Variants in DMPK observed in about 807,000 individuals in gnomAD.
The protein encoded by DMPK is myotonin-protein kinase.
A neutral mutation model predicts 70.3 loss-of-function variants in DMPK; 32 were observed. That is an observed-to-expected ratio of 0.46 (90% CI 0.34 to 0.61). The LOEUF (loss-of-function observed/expected upper bound fraction) is 0.61. Among genes scored for constraint, DMPK ranks in the 20% least tolerant of loss-of-function variants. DMPK has a pLI of 0.01. For missense variants in DMPK, 899 were observed against 886.0 expected (o/e 1.01, Z -0.19); for synonymous variants, 469 against 390.9 (o/e 1.20, Z -2.36).
intron 13 of DMPK, 76 bp from the exon 14 acceptor site, chr19:45,771,136 G>T (rs1438297321): frequency 7.8e-7 from 1 of 1,289,474 alleles, no homozygotes; most frequent in Non-Finnish European, 1.1e-6. Flanking sequence ...ACAGCGAGGG[G>T]AATCGAGGTT....
chr19:45,781,410 G>A (rs1970109159), intron 1 of DMPK, among the ~76,000 whole-genome samples: 1 of 152,080 alleles, frequency 6.6e-6, no homozygotes, highest in South Asian at 2.1e-4. Context: ...TTGCAAGAAG[G>A]GGTTTTGTGG....
At chr19:45,781,904 A>G (rs1461549157) in intron 1 of DMPK, among the ~76,000 whole-genome samples, 1 of 152,118 alleles carries the variant, frequency 6.6e-6, no homozygotes, top group African/African-American at 2.4e-5. Flanking sequence ...GGGTGCAGAG[A>G]GGCCATGGGA....
chr19:45,780,573 T>TG (rs1023854252), intron 1 of DMPK: 49 of 1,026,022 alleles, frequency 4.8e-5, no homozygotes, highest in Non-Finnish European at 5.4e-5. Flanking sequence ...GCAGCCTGGG[T>TG]GGGGGACCAG....
At position 45,769,760 on chromosome 19, in the gene DMPK, G is replaced by C; in HGVS notation, c.*728C>G. ...CTTTTATTCGCGAGGGTCGGGGGTGGGGGTCCTAGGTGGGGACAGACAATA... is the reference window on the plus strand; with the variant it reads ...CTTTTATTCGCGAGGGTCGGGGGTGCGGGTCCTAGGTGGGGACAGACAATA... On this transcript the variant is annotated 3_prime_UTR_variant, in exon 15 of 15. Coordinates refer to ENST00000291270, the MANE Select transcript of DMPK (RefSeq NM_004409.5). 6.0e-6 allele frequency: 1 copy of C among 167,716 alleles called. No individual in the cohort carries two copies. The highest frequency in any genetic ancestry group is 1.3e-4 in the South Asian group (1 of 7,678). 10.4% of individuals were successfully genotyped at this position (167,716 alleles called of 1,614,324 possible). A position where few individuals can be genotyped will look rare whatever the true frequency, so the allele number is the denominator to read the frequency against.
At position 45,770,044 on chromosome 19, in the gene DMPK, A is replaced by G; in HGVS notation, c.*444T>C. The G allele has an allele frequency of 2.3e-6, 1 of 436,192 alleles. No individual in the cohort carries two copies. The highest frequency in any genetic ancestry group is 2.1e-5 in the South Asian group (1 of 46,644). The allele number at this position is 436,192 out of a possible 1,614,324, so 27.0% of individuals were successfully genotyped here. A position where few individuals can be genotyped will look rare whatever the true frequency, so the allele number is the denominator to read the frequency against. On this transcript the variant is annotated 3_prime_UTR_variant, in exon 15 of 15. Transcript: ENST00000291270. ...CAGACGCTCCCCAGAGCAGGGCGTC[A>G]TGCACAAGAAAGCTTTGCACTTTGC...
At position 45,770,250 on chromosome 19, in the gene DMPK, C is replaced by CAGCAGCAGT; in HGVS notation, c.*237_*238insACTGCTGCT. The CAGCAGCAGT allele has an allele frequency of 1.4e-6, 1 of 704,886 alleles. No individual in the cohort carries two copies. The highest frequency in any genetic ancestry group is 2.2e-6 in the Non-Finnish European group (1 of 449,578). The allele number at this position is 704,886 out of a possible 1,614,324, so 43.7% of individuals were successfully genotyped here. A position where few individuals can be genotyped will look rare whatever the true frequency, so the allele number is the denominator to read the frequency against. On this transcript the variant is annotated 3_prime_UTR_variant, in exon 15 of 15. Transcript: ENST00000291270. ...GCAGCAGCAGCAGCAGCAGCAGCAG[C>CAGCAGCAGT]AGCAGCAGCAGCAGCATTCCCGGCT...
intron 1 of DMPK, chr19:45,780,295 G>A (rs937151700): frequency 6.5e-7 from 1 of 1,544,266 alleles, no homozygotes; most frequent in Non-Finnish European, 8.7e-7. Flanking sequence ...CCTGGGTAAC[G>A]GCCCAGACGT....
rs1970055254 is a variant in DMPK, at chr19:45,780,499, T to G, written c.161-630A>C. ...GGAGGAGTGCTTTAGTCCTACCCCT[T>G]ATTTACAGATGACAATCAGGCCTCT... On this transcript the variant is annotated intron_variant, in intron 1 of 14. Transcript: ENST00000291270. The G allele has an allele frequency of 4.5e-6, 5 of 1,114,972 alleles. No homozygotes were observed. The African/African-American group carries it at 8.2e-5, about 18-fold the overall frequency. 69.1% of individuals were successfully genotyped at this position (1,114,972 alleles called of 1,614,324 possible).
chr19:45,770,735 C>G lies in DMPK; in HGVS notation c.1738-95G>C, dbSNP rs897469162. Reference sequence around the variant, plus strand: ...CGCCCATAGGTGGGCCCGCACTCTTCCCTGCGCCCCGCCCCCGCCCCAACA... The same window carrying G: ...CGCCCATAGGTGGGCCCGCACTCTTGCCTGCGCCCCGCCCCCGCCCCAACA... On this transcript the variant is annotated intron_variant, in intron 14 of 14. Coordinates refer to ENST00000291270, the MANE Select transcript of DMPK (RefSeq NM_004409.5). 5.1e-6 allele frequency: 7 copies of G among 1,378,314 alleles called. No homozygotes were observed. In the African/African-American group the frequency reaches 7.2e-5, roughly 14 times the overall value. 85.4% of individuals were successfully genotyped at this position (1,378,314 alleles called of 1,614,324 possible).
rs533901178 is a variant in DMPK, at chr19:45,780,761, A to G, written c.161-892T>C. On this transcript the variant is annotated intron_variant, in intron 1 of 14. Coordinates refer to ENST00000291270, the MANE Select transcript of DMPK (RefSeq NM_004409.5). ...CCGGGGGGTTCCGGGAGAGTGGGCC[A>G]GCAGGGACGAACCAGCCAGGGCTGA... 10 of 282,778 alleles carry G rather than the reference A, an allele frequency of 3.5e-5. No individual in the cohort carries two copies. The South Asian group carries it at 1.1e-3, about 32-fold the overall frequency. The allele number at this position is 282,778 out of a possible 1,614,324, so 17.5% of individuals were successfully genotyped here.
chr19:45,779,647 G>C, intron 2 of DMPK, 125 bp from the exon 3 acceptor site: 1 of 1,554,742 alleles, frequency 6.4e-7, no homozygotes, highest in Non-Finnish European at 8.7e-7. Context: ...ACGCCCATTG[G>C]TCCCAAGCCC....
Position 45,777,515 on chromosome 19 carries a change from G to C in DMPK, c.958C>G (p.Pro320Ala). The C allele has an allele frequency of 4.3e-6, 7 of 1,613,584 alleles. No individual in the cohort carries two copies. Among genetic ancestry groups the C allele is most frequent in the East Asian group, 2.2e-5 (1 of 44,892 alleles). The change falls in exon 8 of 15, where the codon CCC becomes GCC. Residue 320 changes from proline to alanine, a missense_variant. Physicochemically the swap from Pro to Ala is conservative, Grantham distance 27. Around this residue, in one of 3 missense-constraint regions of DMPK, gnomAD observed 555 missense variants for 483.8 expected, o/e 1.15. Coordinates refer to ENST00000291270, the MANE Select transcript of DMPK (RefSeq NM_004409.5). This position sits in a 1 kb window ranked among gnomAD's most constrained non-coding sequence, Gnocchi z 6.7. ...ARDFIQRLLCPPETRLGRGGA... is the reference protein window; with the variant it reads ...ARDFIQRLLCAPETRLGRGGA... ...CCCCGGCCCAGCCGTGTCTCCGGGG[G>C]ACACAGCAACCGCTGAATGAAGTCT...
intron 14 of DMPK, 67 bp from the exon 15 acceptor site, chr19:45,770,707 C>A: frequency 1.3e-6 from 2 of 1,510,594 alleles, no homozygotes; most frequent in South Asian, 2.5e-5. Context: ...CTCGCCCCGC[C>A]TACGCCCATA....
Position 45,770,518 on chromosome 19 carries a change from C to A in DMPK, c.1860G>T (p.Trp620Cys). ...VAHAGQLTAV[W>C]RRPGAARAP is the part of the protein sequence containing the mutation. ...GAGCGCGGGCGGCTCCTGGGCGGCG[C>A]CAGACTGCGGTGAGTTGGCCGGCGT... The change falls in exon 15 of 15, where the codon TGG becomes TGT. Residue 620 changes from tryptophan (W) to cysteine (C), a missense_variant. By Grantham distance (215) the Trp-to-Cys change is radical. Coordinates refer to ENST00000291270, the MANE Select transcript of DMPK (RefSeq NM_004409.5). 2 of 1,550,486 alleles carry A rather than the reference C, an allele frequency of 1.3e-6. No individual in the cohort carries two copies. The highest frequency in any genetic ancestry group is 1.7e-6 in the Non-Finnish European group (2 of 1,146,802).
At chr19:45,776,542 C>G in intron 8 of DMPK, 1 of 154,956 alleles carries the variant, frequency 6.5e-6, no homozygotes, top group South Asian at 1.9e-4. Context: ...CAGCTCACTG[C>G]AGCCTTGACC....
chr19:45,779,573 C>T (rs1020401100), intron 2 of DMPK, 51 bp from the exon 3 acceptor site: 4 of 1,607,798 alleles, frequency 2.5e-6, no homozygotes, highest in Non-Finnish European at 3.4e-6. Flanking sequence ...AACAAAAGGG[C>T]TCGCCCAGAC....
At chr19:45,776,459 T>A (rs1413372427) in intron 8 of DMPK, among the ~76,000 whole-genome samples, 3 of 151,700 alleles carry the variant, frequency 2.0e-5, no homozygotes, top group African/African-American at 4.9e-5. Flanking sequence ...GCCTATTTTT[T>A]AATTTCAGTT....
intron 14 of DMPK, 96 bp downstream of exon 14, chr19:45,770,874 TG>T (rs1969367011): frequency 3.7e-6 from 4 of 1,071,044 alleles, no homozygotes; most frequent in South Asian, 1.7e-5. Flanking sequence ...CCTCCTGCCG[TG>T]GGCCCAGCCC....
chr19:45,769,843 G>A lies in DMPK; in HGVS notation c.*645C>T, dbSNP rs1315821168. 4.3e-6 allele frequency: 1 copy of A among 230,582 alleles called. No individual in the cohort carries two copies. The allele number at this position is 230,582 out of a possible 1,614,324, so 14.3% of individuals were successfully genotyped here. A position where few individuals can be genotyped will look rare whatever the true frequency, so the allele number is the denominator to read the frequency against. On this transcript the variant is annotated 3_prime_UTR_variant, in exon 15 of 15. Transcript: ENST00000291270. Reference sequence around the variant, plus strand: ...CAAAACGTGGATTGGGGTTGTTGGGGGTCCTGTAGCCTGTCAGCGAGTCGG... The same window carrying A: ...CAAAACGTGGATTGGGGTTGTTGGGAGTCCTGTAGCCTGTCAGCGAGTCGG...
Sources: gnomAD v4.1 joint callset for allele counts (sites outside exome capture counted in the v4.1 genomes callset) on GRCh38, gnomAD v4.1.1 for gene constraint, gnomAD v4.1.1 regional missense constraint, Gnocchi (gnomAD v3.1) non-coding constraint, MANE v1.5 for transcripts, NCBI Gene and HGNC (gene_info 2026-07-23, HGNC 2026-07-21) for gene names.